The following ENOX1 variants were observed in gnomAD, a reference collection of about 807,000 sequenced individuals.
ENOX1 encodes ecto-NOX disulfide-thiol exchanger 1, also known as candidate growth-related and time keeping constitutive hydroquinone (NADH) oxidase.
Under a neutral mutation model 82.5 loss-of-function variants are expected in ENOX1, and 42 were observed. That is an observed-to-expected ratio of 0.51 (90% CI 0.40 to 0.66). ENOX1 has a LOEUF of 0.66. Among genes scored for constraint, ENOX1 ranks in the 30% least tolerant of loss-of-function variants. ENOX1 has a pLI of 0.00. For missense variants in ENOX1, 608 were observed against 811.6 expected (o/e 0.75, Z 3.05); for synonymous variants, 271 against 282.2 (o/e 0.96, Z 0.40).
At chr13:43,718,332 C>T (rs1240593135) in intron 1 of ENOX1, among the ~76,000 whole-genome samples, 3 of 151,838 alleles carry the variant, frequency 2.0e-5, no homozygotes, top group Non-Finnish European at 4.4e-5. Flanking sequence ...ACATTGAATA[C>T]ACATAGACAT....
At chr13:43,770,407 T>C (rs894817038) in intron 1 of ENOX1, among the ~76,000 whole-genome samples, 1 of 152,156 alleles carries the variant, frequency 6.6e-6, no homozygotes, top group African/African-American at 2.4e-5. Flanking sequence ...AATAGACAAT[T>C]ATAAAGAAAG....
rs1466386894 is a variant in ENOX1 at position 43,293,494 on chromosome 13, G to A, written c.1446+4852C>T. ...TACTGCAGTCACCTTTACCACCATGGCAACCATCACCTCCACAGTCCCTTC... is the reference window on the plus strand; with the variant it reads ...TACTGCAGTCACCTTTACCACCATGACAACCATCACCTCCACAGTCCCTTC... On this transcript the variant is annotated intron_variant, in intron 12 of 16. Coordinates refer to ENST00000690772, the MANE Select transcript of ENOX1 (RefSeq NM_001347969.2). Among the ~76,000 whole-genome samples the A allele has an allele frequency of 6.6e-5, 10 of 151,892 alleles. No individual in the cohort carries two copies. The East Asian group carries it at 1.9e-3, about 29-fold the overall frequency.
intron 14 of ENOX1, among the ~76,000 whole-genome samples, chr13:43,248,973 G>A (rs1364688197): frequency 2.0e-5 from 3 of 152,022 alleles, no homozygotes; most frequent in African/African-American, 7.2e-5. Context: ...GACTTTGATA[G>A]GAAAGGATCA....
intron 1 of ENOX1, among the ~76,000 whole-genome samples, chr13:43,767,940 G>A (rs1211827206): frequency 6.6e-6 from 1 of 152,208 alleles, no homozygotes; most frequent in East Asian, 1.9e-4. Context: ...GGAGGAGGGA[G>A]AGAGACTAAG....
chr13:43,322,012 G>A (rs1377359241), intron 11 of ENOX1, among the ~76,000 whole-genome samples: 2 of 152,210 alleles, frequency 1.3e-5, no homozygotes, highest in East Asian at 3.9e-4. Context: ...TCAGAAGCTA[G>A]AAAGCTTCTT....
In ENOX1 at chr13:43,299,117, G is replaced by A. The variant is rs140434983; in HGVS notation, c.1262-587C>T. On this transcript the variant is annotated intron_variant, in intron 11 of 16. Coordinates refer to ENST00000690772, the MANE Select transcript of ENOX1 (RefSeq NM_001347969.2). The stretch of plus-strand genomic sequence containing the variant: ...GCTAGTTCCATCTGTTTCACCAACA[G>A]ATTAAAACTCTTTTCCTCTACAAGG... Among the ~76,000 whole-genome samples the A allele has an allele frequency of 3.3e-5, 5 of 152,270 alleles. No individual in the cohort carries two copies. The East Asian group carries it at 9.6e-4, about 29-fold the overall frequency.
At chr13:43,728,460 A>AC (rs2089128164) in intron 1 of ENOX1, among the ~76,000 whole-genome samples, 1 of 152,158 alleles carries the variant, frequency 6.6e-6, no homozygotes, top group Non-Finnish European at 1.5e-5. Flanking sequence ...ATCTAAGTCC[A>AC]CCACAGTACT....
At chr13:43,306,057 C>T (rs1303528946) in intron 11 of ENOX1, among the ~76,000 whole-genome samples, 1 of 152,168 alleles carries the variant, frequency 6.6e-6, no homozygotes, top group African/African-American at 2.4e-5. Context: ...GAGGGGCCAT[C>T]CTCACACTGT....
At chr13:43,714,283 T>C (rs1232658394) in intron 1 of ENOX1, among the ~76,000 whole-genome samples, 2 of 152,204 alleles carry the variant, frequency 1.3e-5, no homozygotes, top group Non-Finnish European at 2.9e-5. Context: ...GAGAGATAGT[T>C]TGTTATAATT....
At chr13:43,627,071 C>G (rs2082995373) in intron 2 of ENOX1, among the ~76,000 whole-genome samples, 1 of 151,882 alleles carries the variant, frequency 6.6e-6, no homozygotes, top group South Asian at 2.1e-4. Context: ...TTTCTTTGTT[C>G]TAAAGTCTAC....
At chr13:43,249,166 GAAA>G (rs10709125) in intron 14 of ENOX1, among the ~76,000 whole-genome samples, 1 of 151,496 alleles carries the variant, frequency 6.6e-6, no homozygotes, top group African/African-American at 2.4e-5. Flanking sequence ...CTAAAAATGA[GAAA>G]AAAAAAATTC....
chr13:43,305,699 C>T (rs940569673), intron 11 of ENOX1, among the ~76,000 whole-genome samples: 3 of 152,198 alleles, frequency 2.0e-5, no homozygotes, highest in Admixed American at 6.5e-5. Flanking sequence ...TTTCCATTTA[C>T]ATTACTATCC....
chr13:43,466,922 C>T (rs2057751533), intron 3 of ENOX1, among the ~76,000 whole-genome samples: 1 of 152,154 alleles, frequency 6.6e-6, no homozygotes, highest in African/African-American at 2.4e-5. Context: ...GCTTAATGTG[C>T]TCAAGGTTTA....
chr13:43,427,014 A>T (rs1050683117), intron 3 of ENOX1, among the ~76,000 whole-genome samples: 3 of 152,180 alleles, frequency 2.0e-5, no homozygotes, highest in Non-Finnish European at 4.4e-5. Context: ...CTAATTCACC[A>T]TCCTTTTCTC....
At chr13:43,385,756 T>C (rs962352104) in intron 5 of ENOX1, among the ~76,000 whole-genome samples, 3 of 152,212 alleles carry the variant, frequency 2.0e-5, no homozygotes, top group East Asian at 1.9e-4. Context: ...GAAAAAGAAA[T>C]TGGAAGGAAA....
intron 2 of ENOX1, among the ~76,000 whole-genome samples, chr13:43,552,837 C>T (rs1231885673): frequency 6.6e-6 from 1 of 152,134 alleles, no homozygotes; most frequent in African/African-American, 2.4e-5. Flanking sequence ...CTTATCCAAG[C>T]AAATAGCATA....
intron 15 of ENOX1, among the ~76,000 whole-genome samples, chr13:43,225,420 G>A (rs1006781185): frequency 3.9e-5 from 6 of 152,148 alleles, no homozygotes; most frequent in Non-Finnish European, 5.9e-5. Flanking sequence ...TAAAATAAAC[G>A]TTGAAAAAGA....
chr13:43,698,058 T>C (rs2086725147), intron 1 of ENOX1, among the ~76,000 whole-genome samples: 1 of 152,170 alleles, frequency 6.6e-6, no homozygotes, highest in Non-Finnish European at 1.5e-5. Flanking sequence ...TCAAACACTC[T>C]GTATATCAGC....
chr13:43,298,550 A>T lies in ENOX1; in HGVS notation c.1262-20T>A. On this transcript the variant is annotated intron_variant, in intron 11 of 16. Coordinates refer to ENST00000690772, the MANE Select transcript of ENOX1 (RefSeq NM_001347969.2). ...CCAGGGCTGAGGGACAAACAGAACG[A>T]GTTCAGGTGAGCTACCTTCTTGCTT... The T allele has an allele frequency of 6.3e-7, 1 of 1,588,132 alleles. No homozygotes were observed. The highest frequency in any genetic ancestry group is 8.6e-7 in the Non-Finnish European group (1 of 1,168,326).
Sources: allele counts gnomAD v4.1 joint callset (sites outside exome capture counted in the v4.1 genomes callset), GRCh38; gene constraint gnomAD v4.1.1; transcripts MANE v1.5; gene names NCBI Gene and HGNC (gene_info 2026-07-23, HGNC 2026-07-21).